Variants in SLC15A1 observed in about 807,000 individuals in gnomAD.
SLC15A1 encodes the protein solute carrier family 15 member 1.
A neutral mutation model predicts 92.9 loss-of-function variants in SLC15A1; 83 were observed. The observed-to-expected ratio is 0.89, with a 90% CI of 0.75 to 1.07. SLC15A1 has a LOEUF of 1.07. Ranked by LOEUF, SLC15A1 falls within the 50% of genes least tolerant of loss-of-function variation. The pLI, the probability that SLC15A1 is intolerant of heterozygous loss-of-function variation, is 0.00. For missense variants in SLC15A1, 857 were observed against 880.1 expected, an observed-to-expected ratio of 0.97 and a Z score of 0.33; for synonymous variants, 322 against 318.2, an observed-to-expected ratio of 1.01 and a Z score of -0.13.
intron 18 of SLC15A1, among the ~76,000 whole-genome samples, chr13:98,691,083 G>T (rs1297285335): frequency 6.6e-6 from 1 of 151,386 alleles, no homozygotes; most frequent in African/African-American, 2.4e-5. Flanking sequence ...TCACCCTGTT[G>T]CCCAGGCTGG....
At chr13:98,726,473 G>C in intron 2 of SLC15A1, 24 bp from the exon 3 acceptor site, 1 of 1,605,006 alleles carries the variant, frequency 6.2e-7, no homozygotes, top group Non-Finnish European at 8.5e-7. Context: ...AACAAGCACA[G>C]GATTGAAATA....
chr13:98,733,835 A>G (rs1252047716), intron 1 of SLC15A1, among the ~76,000 whole-genome samples: 1 of 152,176 alleles, frequency 6.6e-6, no homozygotes, highest in Non-Finnish European at 1.5e-5. Context: ...CCAAAATCTC[A>G]TATTGAAATG....
rs534643118 is a variant in SLC15A1 at position 98,735,632 on chromosome 13, C to A, written c.5-8773G>T. Among the ~76,000 whole-genome samples the A allele has an allele frequency of 1.1e-3, 172 of 152,320 alleles. 1 individual carries two copies. Among genetic ancestry groups the A allele is most frequent in the Non-Finnish European group, 1.9e-3 (129 of 68,038 alleles). On this transcript the variant is annotated intron_variant, in intron 1 of 22. Coordinates refer to ENST00000376503, the MANE Select transcript of SLC15A1 (RefSeq NM_005073.4). The stretch of plus-strand genomic sequence containing the variant: ...AAAATCTCCTTAAGCTGATAAGCAA[C>A]TTCAGCAAAGTCTCAGGATACAAAA...
chr13:98,742,031 G>A (rs1222225287), intron 1 of SLC15A1, among the ~76,000 whole-genome samples: 2 of 152,204 alleles, frequency 1.3e-5, no homozygotes, highest in Non-Finnish European at 1.5e-5. Context: ...CTAGCCCTGC[G>A]GACCTTGCAC....
intron 18 of SLC15A1, among the ~76,000 whole-genome samples, chr13:98,696,454 A>T (rs544053450): frequency 6.6e-6 from 1 of 152,116 alleles, no homozygotes; most frequent in African/African-American, 2.4e-5. Flanking sequence ...AACAACAAAA[A>T]AAGAAGCTTT....
intron 1 of SLC15A1, among the ~76,000 whole-genome samples, chr13:98,741,928 G>A (rs1383782092): frequency 1.3e-5 from 2 of 152,212 alleles, no homozygotes; most frequent in Admixed American, 6.5e-5. Flanking sequence ...CTAACGGCAG[G>A]AAACTAACTT....
At chr13:98,690,734 A>G (rs2087968305) in intron 18 of SLC15A1, among the ~76,000 whole-genome samples, 1 of 152,154 alleles carries the variant, frequency 6.6e-6, no homozygotes, top group Non-Finnish European at 1.5e-5. Flanking sequence ...GCCACCCACC[A>G]CACACCCAGG....
chr13:98,704,534 G>T, intron 16 of SLC15A1, 99 bp from the exon 17 acceptor site: 1 of 1,277,444 alleles, frequency 7.8e-7, no homozygotes, highest in Non-Finnish European at 1.1e-6. Flanking sequence ...TGCATTTCCA[G>T]GTTCATGTTC....
intron 18 of SLC15A1, among the ~76,000 whole-genome samples, chr13:98,692,969 G>C (rs1248311195): frequency 6.6e-6 from 1 of 151,660 alleles, no homozygotes. Flanking sequence ...GAAATCCTGG[G>C]TTCAAGCACT....
intron 18 of SLC15A1, among the ~76,000 whole-genome samples, chr13:98,691,196 A>T (rs941151262): frequency 2.0e-5 from 3 of 152,016 alleles, no homozygotes; most frequent in African/African-American, 7.3e-5. Context: ...GGCCCCCGCC[A>T]CCGCACCTGG....
In SLC15A1 at chr13:98,687,643, A is replaced by G; in HGVS notation, c.1765T>C (p.Phe589Leu). ...ACCACTTCGCCACAGGTGAGAAGAAAATACTGCGGGATTTGCAGAGCCATG... is the reference window on the plus strand; with the variant it reads ...ACCACTTCGCCACAGGTGAGAAGAAGATACTGCGGGATTTGCAGAGCCATG... The part of the protein sequence containing the change: ...VNMALQIPQY[F>L]LLTCGEVVFS... Residue 589 changes from phenylalanine to leucine, a missense_variant, in exon 21 of 23, where the codon TTT becomes CTT. Transcript: ENST00000376503. 1 of 1,614,200 alleles carries G rather than the reference A, an allele frequency of 6.2e-7. No homozygotes were observed. Among genetic ancestry groups the G allele is most frequent in the Non-Finnish European group, 8.5e-7 (1 of 1,180,020 alleles).
At chr13:98,740,970 G>A (rs2088439014) in intron 1 of SLC15A1, among the ~76,000 whole-genome samples, 1 of 152,240 alleles carries the variant, frequency 6.6e-6, no homozygotes, top group African/African-American at 2.4e-5. Context: ...TGTTTCTGGA[G>A]TGGCTCTTGT....
chr13:98,701,099 A>G (rs2139571799), intron 18 of SLC15A1, among the ~76,000 whole-genome samples: 1 of 152,342 alleles, frequency 6.6e-6, no homozygotes, highest in African/African-American at 2.4e-5. Context: ...AGGAATGGCA[A>G]TAAACCTACA....
In SLC15A1 at chr13:98,732,864, G is replaced by A. The variant is rs558202868; in HGVS notation, c.5-6005C>T. The stretch of plus-strand genomic sequence containing the variant: ...ACTTTCAAGGTGTGGTGGTCAGAAT[G>A]GTGGTCCCCTAGAGATGTCCATGTC... On this transcript the variant is annotated intron_variant, in intron 1 of 22. Coordinates refer to ENST00000376503, the MANE Select transcript of SLC15A1 (RefSeq NM_005073.4). Among the ~76,000 whole-genome samples the A allele has an allele frequency of 2.6e-5, 4 of 152,308 alleles. No individual in the cohort carries two copies. In the South Asian group the frequency reaches 8.3e-4, roughly 32 times the overall value.
chr13:98,721,999 A>G, intron 5 of SLC15A1, 96 bp from the exon 6 acceptor site: 1 of 927,486 alleles, frequency 1.1e-6, no homozygotes, highest in Non-Finnish European at 1.6e-6. Context: ...TGGCATAGTG[A>G]CACACATAGA....
intron 1 of SLC15A1, among the ~76,000 whole-genome samples, chr13:98,736,500 TTAAAC>T (rs2088395236): frequency 1.3e-5 from 2 of 152,138 alleles, no homozygotes; most frequent in African/African-American, 2.4e-5. Flanking sequence ...TGGGATCTAA[TTAAAC>T]TAAAGAGCTC....
At chr13:98,730,069 G>A (rs1019579080) in intron 1 of SLC15A1, among the ~76,000 whole-genome samples, 1 of 151,908 alleles carries the variant, frequency 6.6e-6, no homozygotes, top group Non-Finnish European at 1.5e-5. Flanking sequence ...GCTGGGCGTG[G>A]TGGTGCATGC....
intron 9 of SLC15A1, among the ~76,000 whole-genome samples, chr13:98,715,321 C>T (rs1342604080): frequency 6.6e-6 from 1 of 152,142 alleles, no homozygotes; most frequent in African/African-American, 2.4e-5. Flanking sequence ...ATTACAGGCA[C>T]CCGCCACCAT....
intron 2 of SLC15A1, 146 bp downstream of exon 2, chr13:98,726,697 G>C: frequency 3.6e-6 from 3 of 843,212 alleles, no homozygotes; most frequent in Non-Finnish European, 6.0e-6. Context: ...ATTTCCTCAG[G>C]AGAGGACATC....
Sources: allele counts gnomAD v4.1 joint callset (sites outside exome capture counted in the v4.1 genomes callset), GRCh38; gene constraint gnomAD v4.1.1; transcripts MANE v1.5; gene names NCBI Gene and HGNC (gene_info 2026-07-23, HGNC 2026-07-21).